The following ABCB4 variants were observed in gnomAD, a reference collection of about 807,000 sequenced individuals.
ABCB4 encodes the protein ATP binding cassette subfamily B member 4.
ABCB4 carries 76 observed loss-of-function variants against 145.7 expected under a neutral mutation model. The ratio of observed to expected loss-of-function variants is 0.52; its 90% CI spans 0.43 to 0.63. The LOEUF (loss-of-function observed/expected upper bound fraction) is 0.63. Ranked by LOEUF, ABCB4 falls within the 30% of genes least tolerant of loss-of-function variation. ABCB4 has a pLI of 0.00. For synonymous variants in ABCB4, 517 were observed against 566.8 expected (o/e 0.91, Z 1.25); for missense variants, 1,234 against 1,553.1 (o/e 0.79, Z 3.45).
At chr7:87,457,509 C>T (rs1265821908) in intron 4 of ABCB4, among the ~76,000 whole-genome samples, 1 of 152,224 alleles carries the variant, frequency 6.6e-6, no homozygotes, top group Non-Finnish European at 1.5e-5. Context: ...CTGGGGAACT[C>T]CTGAAGCTGC....
the ABCB4 span, among the ~76,000 whole-genome samples, chr7:87,373,750 C>T: frequency 0.72 from 108,781 of 151,762 alleles, 40,886 homozygotes; most frequent in Middle Eastern, 0.84. Context: ...ACGAGATTAC[C>T]AAGGGAGAAA....
At chr7:87,405,194 G>A (rs1196309524) in intron 26 of ABCB4, among the ~76,000 whole-genome samples, 1 of 152,166 alleles carries the variant, frequency 6.6e-6, no homozygotes, top group Non-Finnish European at 1.5e-5. Context: ...AAAAAGCAAT[G>A]CCTATGAATA....
the ABCB4 span, among the ~76,000 whole-genome samples, chr7:87,368,695 T>C: frequency 2.6e-5 from 4 of 152,304 alleles, no homozygotes; most frequent in South Asian, 6.2e-4. Flanking sequence ...CCATTTTCTT[T>C]TCTTAGAAGG....
rs143361213 is a variant in ABCB4 at position 87,456,757 on chromosome 7, G to C, written c.287-2165C>G. Reference sequence around the variant, plus strand: ...TCTATGAGCGTTCCAGATTGGACCCGCTCCTTTCTCAGAGTCTCAAGAATG... The same window carrying C: ...TCTATGAGCGTTCCAGATTGGACCCCCTCCTTTCTCAGAGTCTCAAGAATG... On this transcript the variant is annotated intron_variant, in intron 4 of 27. Coordinates refer to ENST00000649586, the MANE Select transcript of ABCB4 (RefSeq NM_000443.4). Among the ~76,000 whole-genome samples the C allele has an allele frequency of 4.6e-3, 702 of 152,120 alleles. 4 individuals carry two copies. Among genetic ancestry groups the C allele is most frequent in the African/African-American group, 0.016 (667 of 41,494 alleles).
At chr7:87,458,160 A>G (rs894378257) in intron 4 of ABCB4, among the ~76,000 whole-genome samples, 3 of 152,200 alleles carry the variant, frequency 2.0e-5, no homozygotes, top group African/African-American at 7.2e-5. Flanking sequence ...ATCAGGGTGC[A>G]GCTATTTTCC....
chr7:87,433,306 T>C (rs1317779262), intron 14 of ABCB4, among the ~76,000 whole-genome samples: 1 of 152,160 alleles, frequency 6.6e-6, no homozygotes, highest in Non-Finnish European at 1.5e-5. Context: ...TTGGACAACA[T>C]TTAAGACTAT....
In ABCB4 at chr7:87,450,073, T is replaced by G; in HGVS notation, c.728A>C (p.Asp243Ala). ...TTTTGCATAAGCAGCTAGTTCTTTGTCACTAAATGCCGAGAGTATCTGGAC... is the reference window on the plus strand; with the variant it reads ...TTTTGCATAAGCAGCTAGTTCTTTGGCACTAAATGCCGAGAGTATCTGGAC... ...VWAKILSAFS[D>A]KELAAYAKAG... Residue 243 changes from aspartate (D) to alanine (A), a missense_variant, in exon 8 of 28, where the codon GAC becomes GCC. Asp to Ala is a moderately radical substitution (Grantham distance 126, BLOSUM62 -2). This residue lies in a region of ABCB4 where 467 missense variants were observed against 632.8 expected (regional missense o/e 0.74). Coordinates refer to ENST00000649586, the MANE Select transcript of ABCB4 (RefSeq NM_000443.4). 1 of 1,614,174 alleles carries G rather than the reference T, an allele frequency of 6.2e-7. No homozygotes were observed. The highest frequency in any genetic ancestry group is 8.5e-7 in the Non-Finnish European group (1 of 1,180,010).
the ABCB4 span, among the ~76,000 whole-genome samples, chr7:87,386,299 G>A: frequency 1.3e-5 from 2 of 152,104 alleles, no homozygotes; most frequent in East Asian, 3.8e-4. Flanking sequence ...CAGGTCCTAA[G>A]CTTTTGCTTA....
the ABCB4 span, among the ~76,000 whole-genome samples, chr7:87,378,332 T>C: frequency 2.7e-5 from 3 of 112,900 alleles, no homozygotes; most frequent in Admixed American, 1.2e-4. Flanking sequence ...GGAAACAGAC[T>C]GAGACTCCGA....
chr7:87,434,746 C>CA (rs34905708), intron 14 of ABCB4, among the ~76,000 whole-genome samples: 43,583 of 150,618 alleles, frequency 0.29, 6,496 homozygotes, highest in Non-Finnish European at 0.33. Flanking sequence ...GACTCCGTCT[C>CA]AAAAAAAAAA....
the ABCB4 span, among the ~76,000 whole-genome samples, chr7:87,379,913 C>A: frequency 6.6e-6 from 1 of 152,044 alleles, no homozygotes; most frequent in Non-Finnish European, 1.5e-5. Context: ...CAGTTCAGCA[C>A]CAGCTTGGGC....
intron 7 of ABCB4, 34 bp from the exon 8 acceptor site, chr7:87,450,126 T>G (rs1811614515): frequency 1.2e-6 from 2 of 1,613,006 alleles, no homozygotes; most frequent in Non-Finnish European, 1.7e-6. Flanking sequence ...CACTTTTGTA[T>G]AGGGAGAAAA....
At chr7:87,452,883 G>A (rs1811842455) in intron 6 of ABCB4, 61 bp downstream of exon 6, 1 of 1,550,450 alleles carries the variant, frequency 6.4e-7, no homozygotes, top group South Asian at 1.1e-5. Flanking sequence ...ATCTTTCCTT[G>A]ACATATTTTC....
chr7:87,409,540 T>A, intron 23 of ABCB4, 148 bp from the exon 24 acceptor site: 1 of 843,882 alleles, frequency 1.2e-6, no homozygotes, highest in Non-Finnish European at 1.9e-6. Flanking sequence ...CATAAAATTC[T>A]AGTAACAAGA....
intron 15 of ABCB4, among the ~76,000 whole-genome samples, chr7:87,427,742 C>T (rs1809939567): frequency 6.6e-6 from 1 of 152,158 alleles, no homozygotes; most frequent in African/African-American, 2.4e-5. Flanking sequence ...ATACAATAGC[C>T]AATCATGATC....
At chr7:87,440,095 A>C in intron 13 of ABCB4, 104 bp downstream of exon 13, 1 of 1,344,530 alleles carries the variant, frequency 7.4e-7, no homozygotes, top group South Asian at 1.2e-5. Context: ...AAAGTTGGAC[A>C]ATCTTGCATC....
At chr7:87,466,611 G>C (rs1481688519) in intron 3 of ABCB4, among the ~76,000 whole-genome samples, 1 of 152,188 alleles carries the variant, frequency 6.6e-6, no homozygotes, top group Non-Finnish European at 1.5e-5. Flanking sequence ...ATTCGCCAAA[G>C]TTGAAATGAA....
chr7:87,438,840 C>T (rs539836814), intron 14 of ABCB4, among the ~76,000 whole-genome samples: 37 of 152,260 alleles, frequency 2.4e-4, no homozygotes, highest in Admixed American at 5.9e-4. Flanking sequence ...ATTAGGTTAA[C>T]TTAGGATTCA....
At position 87,426,911 on chromosome 7, in the gene ABCB4, T is replaced by A; in HGVS notation, c.1903A>T (p.Ser635Cys). The change falls in exon 16 of 28, where the codon AGC becomes TGC. Residue 635 changes from serine (S) to cysteine (C), a missense_variant. By Grantham distance (112) the Ser-to-Cys change is moderately radical. Coordinates refer to ENST00000649586, the MANE Select transcript of ABCB4 (RefSeq NM_000443.4). ...TCAAATTCTTCTGACTGGATCTGGC[T>A]TCCTGATGTCTGAAAGAATATCAAG... ...FKLVNMQTSG[S>C]QIQSEEFELN... 6.2e-7 allele frequency: 1 copy of A among 1,613,104 alleles called. No homozygotes were observed. Among genetic ancestry groups the A allele is most frequent in the South Asian group, 1.1e-5 (1 of 91,036 alleles).
Sources: gnomAD v4.1 joint callset for allele counts (sites outside exome capture counted in the v4.1 genomes callset) on GRCh38, gnomAD v4.1.1 for gene constraint, gnomAD v4.1.1 regional missense constraint, MANE v1.5 for transcripts, NCBI Gene and HGNC (gene_info 2026-07-23, HGNC 2026-07-21) for gene names.